Variants in CEP43 observed in about 807,000 individuals in gnomAD.
CEP43 encodes FGFR1 oncogene partner.
Under a neutral mutation model 52.6 loss-of-function variants are expected in CEP43, and 36 were observed. That is an observed-to-expected ratio of 0.68 (90% CI 0.52 to 0.90). The LOEUF is 0.90. Among genes scored for constraint, CEP43 ranks in the 40% least tolerant of loss-of-function variants. The pLI is 0.00. For missense variants in CEP43, 506 were observed against 472.8 expected, an observed-to-expected ratio of 1.07 and a Z score of -0.65; for synonymous variants, 192 against 172.4, an observed-to-expected ratio of 1.11 and a Z score of -0.89.
chr6:167,023,674 T>A (rs6923582), intron 8 of CEP43, among the ~76,000 whole-genome samples: 60,839 of 152,020 alleles, frequency 0.4, 12,491 homozygotes, highest in Non-Finnish European at 0.46. Context: ...AGGAAGCAGG[T>A]CCTGCGCACC....
Position 167,021,569 on chromosome 6 carries a change from C to T in CEP43, c.580-840C>T, listed in dbSNP as rs976122630. On this transcript the variant is annotated intron_variant, in intron 7 of 12. Transcript: ENST00000366847. ...CGTCTAAGGGCAGAAAGAAATCTGA[C>T]CAAGAATGGAGTGAAAGTCGGCTGT... Among the ~76,000 whole-genome samples, 2 of 152,080 alleles carry T rather than the reference C, an allele frequency of 1.3e-5. 1 individual carries two copies. Among genetic ancestry groups the T allele is most frequent in the East Asian group, 3.8e-4 (2 of 5,196 alleles).
intron 10 of CEP43, chr6:167,027,967 C>T (rs1175810076): frequency 1.8e-5 from 18 of 985,940 alleles, no homozygotes; most frequent in East Asian, 1.1e-4. Context: ...GCTCTTTGTG[C>T]GTCCTGGTTG....
intron 10 of CEP43, among the ~76,000 whole-genome samples, chr6:167,032,361 A>G (rs1222726224): frequency 6.6e-6 from 1 of 152,230 alleles, no homozygotes; most frequent in Non-Finnish European, 1.5e-5. Context: ...TAATTGCCTT[A>G]GAGTACCCGG....
At chr6:167,033,794 TATCTG>T in intron 11 of CEP43, 76 bp from the exon 12 acceptor site, 2 of 596,566 alleles carry the variant, frequency 3.4e-6, no homozygotes, top group Non-Finnish European at 5.8e-6. Context: ...TTAAAAGAAA[TATCTG>T]AATGTTTAAA....
chr6:167,027,332 G>A (rs916060341), intron 10 of CEP43, among the ~76,000 whole-genome samples: 1 of 152,186 alleles, frequency 6.6e-6, no homozygotes, highest in African/African-American at 2.4e-5. Flanking sequence ...CTGTAGCAGT[G>A]TGACAGGCAT....
chr6:166,999,917 A>G, intron 1 of CEP43, 143 bp from the exon 2 acceptor site: 1 of 637,906 alleles, frequency 1.6e-6, no homozygotes, highest in East Asian at 2.8e-5. Context: ...TGTGTGACTG[A>G]GAACGTTTCG....
In CEP43 at chr6:167,047,267, T is replaced by A. The variant is rs1453661904; in HGVS notation, c.*7289T>A. The A allele has an allele frequency of 6.6e-6, 1 of 152,278 alleles. No homozygotes were observed. The highest frequency in any genetic ancestry group is 1.5e-5 in the Non-Finnish European group (1 of 68,100). 9.4% of individuals were successfully genotyped at this position (152,278 alleles called of 1,614,324 possible). ...ACCCTAGACAGGAGGGGTCCCCTACTGACAGGGAGGTGCTGTCGGGGCAGC... is the reference window on the plus strand; with the variant it reads ...ACCCTAGACAGGAGGGGTCCCCTACAGACAGGGAGGTGCTGTCGGGGCAGC... On this transcript the variant is annotated 3_prime_UTR_variant, in exon 13 of 13. Coordinates refer to ENST00000366847, the MANE Select transcript of CEP43 (RefSeq NM_007045.4).
intron 10 of CEP43, among the ~76,000 whole-genome samples, chr6:167,028,819 T>G (rs1045309177): frequency 2.0e-4 from 31 of 152,202 alleles, no homozygotes; most frequent in African/African-American, 6.8e-4. Flanking sequence ...TTAGACATAT[T>G]GAAATAATCA....
chr6:167,046,604 C>T lies in CEP43; in HGVS notation c.*6626C>T, dbSNP rs116318212. 6.6e-6 allele frequency: 1 copy of T among 152,274 alleles called. No homozygotes were observed. Among genetic ancestry groups the T allele is most frequent in the Non-Finnish European group, 1.5e-5 (1 of 68,066 alleles). The allele number at this position is 152,274 out of a possible 1,614,324, so 9.4% of individuals were successfully genotyped here. A position where few individuals can be genotyped will look rare whatever the true frequency, so the allele number is the denominator to read the frequency against. On this transcript the variant is annotated 3_prime_UTR_variant, in exon 13 of 13. Coordinates refer to ENST00000366847, the MANE Select transcript of CEP43 (RefSeq NM_007045.4). ...AGTTGGCTGATTTCTTCTGTCCACT[C>T]CACCTGCAGATGCAGAGGTGGCCCC...
In CEP43 at chr6:167,042,204, G is replaced by A; in HGVS notation, c.*2226G>A. ...TCTTTTCACATGTACTTTTTGATTAGGTATTATCAACTTATGAAACTTGAA... is the reference window on the plus strand; with the variant it reads ...TCTTTTCACATGTACTTTTTGATTAAGTATTATCAACTTATGAAACTTGAA... On this transcript the variant is annotated 3_prime_UTR_variant, in exon 13 of 13. Coordinates refer to ENST00000366847, the MANE Select transcript of CEP43 (RefSeq NM_007045.4). 3.0e-6 allele frequency: 3 copies of A among 1,005,282 alleles called. No individual in the cohort carries two copies. The highest frequency in any genetic ancestry group is 7.3e-5 in the East Asian group (1 of 13,720). The allele number at this position is 1,005,282 out of a possible 1,614,324, so 62.3% of individuals were successfully genotyped here.
chr6:167,008,151 G>T, intron 5 of CEP43, among the ~76,000 whole-genome samples: 2 of 149,152 alleles, frequency 1.3e-5, no homozygotes. Context: ...GTGGAACCTT[G>T]TACTTAAGTC....
At chr6:167,033,668 C>T (rs73030128) in intron 11 of CEP43, among the ~76,000 whole-genome samples, 3,084 of 152,150 alleles carry the variant, frequency 0.02, 53 homozygotes, top group East Asian at 0.092. Context: ...GAACCTTTGT[C>T]TCCTCATCTG....
chr6:167,009,540 T>G (rs1156859373), intron 5 of CEP43, among the ~76,000 whole-genome samples: 1 of 140,646 alleles, frequency 7.1e-6, no homozygotes, highest in Non-Finnish European at 1.5e-5. Flanking sequence ...TACAAGGAAT[T>G]AGCTGGGCGT....
At position 167,017,296 on chromosome 6, in the gene CEP43, A is replaced by G. The variant is rs149368770; in HGVS notation, c.579+3729A>G. On this transcript the variant is annotated intron_variant, in intron 7 of 12. Coordinates refer to ENST00000366847, the MANE Select transcript of CEP43 (RefSeq NM_007045.4). The stretch of plus-strand genomic sequence containing the variant: ...AGGTGTGAGCCACCGCGCCTGGCCA[A>G]TAATGATACAAATTTTAAAATAATG... Among the ~76,000 whole-genome samples the G allele has an allele frequency of 5.2e-3, 793 of 152,282 alleles. 10 individuals are homozygous for G. Among genetic ancestry groups the G allele is most frequent in the African/African-American group, 0.016 (657 of 41,542 alleles).
intron 7 of CEP43, among the ~76,000 whole-genome samples, chr6:167,020,681 G>C (rs570822106): frequency 6.6e-6 from 1 of 152,238 alleles, no homozygotes; most frequent in Admixed American, 6.5e-5. Flanking sequence ...GGCCGAGGCG[G>C]GTGGATCACT....
intron 10 of CEP43, 73 bp from the exon 11 acceptor site, chr6:167,032,530 G>A: frequency 1.5e-6 from 2 of 1,355,506 alleles, no homozygotes; most frequent in Middle Eastern, 1.9e-4. Context: ...TTTTTTTTAA[G>A]GAAATGTGTG....
chr6:167,019,822 T>C (rs1780185408), intron 7 of CEP43, among the ~76,000 whole-genome samples: 1 of 152,110 alleles, frequency 6.6e-6, no homozygotes, highest in East Asian at 1.9e-4. Context: ...ATTATGTGGA[T>C]TTAAGTTACA....
chr6:167,046,308 G>GAGGAAGGA lies in CEP43; in HGVS notation c.*6338_*6345dup, dbSNP rs200153128. 1 of 150,794 alleles carries GAGGAAGGA rather than the reference G, an allele frequency of 6.6e-6. No individual in the cohort carries two copies. The highest frequency in any genetic ancestry group is 2.4e-5 in the African/African-American group (1 of 41,094). 9.3% of individuals were successfully genotyped at this position (150,794 alleles called of 1,614,324 possible). A position where few individuals can be genotyped will look rare whatever the true frequency, so the allele number is the denominator to read the frequency against. ...ATCCATCACACTAGAAAGAAAGAAAGAGGAAGGAAGGAAGGGAGGGAGGGA... is the reference window on the plus strand; with the variant it reads ...ATCCATCACACTAGAAAGAAAGAAAGAGGAAGGAAGGAAGGAAGGAAGGGAGGGAGGGA... On this transcript the variant is annotated 3_prime_UTR_variant, in exon 13 of 13. Coordinates refer to ENST00000366847, the MANE Select transcript of CEP43 (RefSeq NM_007045.4).
rs1334533804 is a variant in CEP43 at position 167,043,204 on chromosome 6, A to C, written c.*3226A>C. 6.6e-6 allele frequency: 1 copy of C among 152,116 alleles called. No individual in the cohort carries two copies. Among genetic ancestry groups the C allele is most frequent in the East Asian group, 1.9e-4 (1 of 5,164 alleles). The allele number at this position is 152,116 out of a possible 1,614,324, so 9.4% of individuals were successfully genotyped here. A position where few individuals can be genotyped will look rare whatever the true frequency, so the allele number is the denominator to read the frequency against. On this transcript the variant is annotated 3_prime_UTR_variant, in exon 13 of 13. Transcript: ENST00000366847. ...GGTGTTGGTTCATGAAGGACATGGG[A>C]GGGGGGCAGGACAGGAGAGGCAGCT...
Sources: gnomAD v4.1 joint callset for allele counts (sites outside exome capture counted in the v4.1 genomes callset) on GRCh38, gnomAD v4.1.1 for gene constraint, MANE v1.5 for transcripts, NCBI Gene and HGNC (gene_info 2026-07-23, HGNC 2026-07-21) for gene names.